Variants in IFI27L1 observed in about 807,000 individuals in gnomAD.
IFI27L1 encodes the protein interferon alpha-inducible protein 27-like protein 1.
IFI27L1 carries 3 observed loss-of-function variants against 9.2 expected under a neutral mutation model. The observed-to-expected ratio is 0.32, with a 90% confidence interval of 0.15 to 0.84. The LOEUF (loss-of-function observed/expected upper bound fraction) is 0.84, where lower values mean the gene tolerates loss of function less well. IFI27L1 is among the 40% of genes least tolerant of loss of function. The pLI is 0.56. For missense variants in IFI27L1, 133 were observed against 134.2 expected (o/e 0.99, Z 0.05); for synonymous variants, 53 against 50.0 (o/e 1.06, Z -0.26).
intron 1 of IFI27L1, among the ~76,000 whole-genome samples, chr14:94,085,479 A>G (rs1886251752): frequency 6.6e-6 from 1 of 152,212 alleles, no homozygotes; most frequent in Non-Finnish European, 1.5e-5. Flanking sequence ...ACATTTCTTT[A>G]TAAGCATACA....
At chr14:94,089,932 G>A (rs1377397812) in intron 1 of IFI27L1, among the ~76,000 whole-genome samples, 8 of 152,146 alleles carry the variant, frequency 5.3e-5, no homozygotes, top group Admixed American at 1.3e-4. Context: ...CTTGAGTTCC[G>A]ACAAAAGGTG....
intron 1 of IFI27L1, among the ~76,000 whole-genome samples, chr14:94,083,950 GAA>G (rs1295067057): frequency 1.3e-5 from 2 of 151,920 alleles, no homozygotes; most frequent in Non-Finnish European, 2.9e-5. Flanking sequence ...AAGAAGGAAA[GAA>G]AGAGAGTCAA....
At chr14:94,091,080 A>G (rs1410058491) in intron 1 of IFI27L1, among the ~76,000 whole-genome samples, 1 of 152,212 alleles carries the variant, frequency 6.6e-6, no homozygotes, top group Non-Finnish European at 1.5e-5. Flanking sequence ...GTTCTGTCTG[A>G]TGCTCATGAA....
intron 2 of IFI27L1, chr14:94,097,717 G>A (rs1201910368): frequency 4.3e-6 from 3 of 701,996 alleles, no homozygotes; most frequent in African/African-American, 3.5e-5. Context: ...GTGAAGGAGA[G>A]AAACCATGTG....
At chr14:94,089,112 C>G (rs1158883426) in intron 1 of IFI27L1, 1 of 152,104 alleles carries the variant, frequency 6.6e-6, no homozygotes, top group Non-Finnish European at 1.5e-5. Flanking sequence ...GCAGCTGTTA[C>G]TGGATAGAGG....
intron 2 of IFI27L1, 73 bp from the exon 3 acceptor site, chr14:94,100,666 G>T (rs920822818): frequency 6.5e-5 from 104 of 1,601,256 alleles, no homozygotes; most frequent in Non-Finnish European, 8.5e-5. Flanking sequence ...TGAGATGGGG[G>T]TATCAGAGAG....
At chr14:94,101,671 T>C in intron 3 of IFI27L1, 143 bp from the exon 4 acceptor site, 1 of 734,110 alleles carries the variant, frequency 1.4e-6, no homozygotes, top group Non-Finnish European at 2.2e-6. Flanking sequence ...ACACGTTGAC[T>C]GCCCTTGTTT....
At chr14:94,098,363 C>G (rs1448305875) in intron 2 of IFI27L1, among the ~76,000 whole-genome samples, 1 of 152,164 alleles carries the variant, frequency 6.6e-6, no homozygotes, top group Admixed American at 6.5e-5. Context: ...TCTGTCTTCA[C>G]GTGGGCTTCT....
intron 1 of IFI27L1, chr14:94,089,279 T>TA (rs1886388507): frequency 6.6e-6 from 1 of 152,256 alleles, no homozygotes; most frequent in Admixed American, 6.5e-5. Flanking sequence ...TGAATGATAA[T>TA]ACTTATAGTT....
chr14:94,095,712 G>A (rs533562020), intron 1 of IFI27L1, among the ~76,000 whole-genome samples: 1 of 152,238 alleles, frequency 6.6e-6, no homozygotes, highest in East Asian at 1.9e-4. Flanking sequence ...AACAGAGTGC[G>A]AATTTGTTCA....
chr14:94,100,039 C>T (rs1166581835), intron 2 of IFI27L1, among the ~76,000 whole-genome samples: 2 of 152,144 alleles, frequency 1.3e-5, no homozygotes, highest in African/African-American at 4.8e-5. Flanking sequence ...AAGTGGGCAG[C>T]ACAGGCCTAG....
At chr14:94,088,779 C>T (rs1886369723) in intron 1 of IFI27L1, among the ~76,000 whole-genome samples, 1 of 152,250 alleles carries the variant, frequency 6.6e-6, no homozygotes, top group Middle Eastern at 3.4e-3. Context: ...GTCTATTAGT[C>T]ATGCGTAATT....
intron 1 of IFI27L1, among the ~76,000 whole-genome samples, chr14:94,094,000 C>T (rs1886578164): frequency 6.6e-6 from 1 of 151,970 alleles, no homozygotes; most frequent in East Asian, 1.9e-4. Context: ...CTTGGGATAT[C>T]CTCTAATGTC....
chr14:94,100,704 T>C, intron 2 of IFI27L1, 35 bp from the exon 3 acceptor site: 1 of 1,611,170 alleles, frequency 6.2e-7, no homozygotes, highest in Non-Finnish European at 8.5e-7. Context: ...TTGTGTTTGT[T>C]TGTTTGTTGT....
intron 4 of IFI27L1, 127 bp downstream of exon 4, chr14:94,102,102 C>A: frequency 1.0e-6 from 1 of 969,240 alleles, no homozygotes; most frequent in Non-Finnish European, 1.6e-6. Flanking sequence ...CTTTCTGTCA[C>A]TGTCCCCTCT....
chr14:94,081,551 G>C (rs11160162), intron 1 of IFI27L1, 102 bp downstream of exon 1: 25,754 of 152,490 alleles, frequency 0.17, 3,737 homozygotes, highest in African/African-American at 0.4. Context: ...AAGAATTCAG[G>C]GTGAGTCCGC....
At chr14:94,100,588 C>T (rs1434678154) in intron 2 of IFI27L1, 151 bp from the exon 3 acceptor site, 1 of 1,538,920 alleles carries the variant, frequency 6.5e-7, no homozygotes, top group East Asian at 2.4e-5. Flanking sequence ...ATGGGGCCTT[C>T]ACCTCTGACC....
intron 1 of IFI27L1, among the ~76,000 whole-genome samples, chr14:94,084,051 A>C (rs917980792): frequency 2.0e-5 from 3 of 152,072 alleles, no homozygotes; most frequent in Admixed American, 2.0e-4. Flanking sequence ...AAACATAGGT[A>C]TTTTTTTTCC....
intron 2 of IFI27L1, among the ~76,000 whole-genome samples, chr14:94,099,575 TC>T (rs1886816083): frequency 6.6e-6 from 1 of 152,106 alleles, no homozygotes; most frequent in Non-Finnish European, 1.5e-5. Flanking sequence ...CTGAGAGGCT[TC>T]AGAGAGAGCG....
Sources: gnomAD v4.1 joint callset for allele counts (sites outside exome capture counted in the v4.1 genomes callset) on GRCh38, gnomAD v4.1.1 for gene constraint, MANE v1.5 for transcripts, NCBI Gene and HGNC (gene_info 2026-07-23, HGNC 2026-07-21) for gene names.